Variants in MICU3 observed in about 807,000 individuals in gnomAD.
MICU3 encodes calcium uptake protein 3, mitochondrial.
A neutral mutation model predicts 66.5 loss-of-function variants in MICU3; 62 were observed. The observed-to-expected ratio is 0.93, with a 90% CI of 0.76 to 1.15. The LOEUF is 1.15. Among genes scored for constraint, MICU3 ranks in the 50% most tolerant of loss-of-function variants. MICU3 has a pLI of 0.00. For missense variants in MICU3, 779 were observed against 664.4 expected (o/e 1.17, Z -1.90); for synonymous variants, 308 against 240.7 (o/e 1.28, Z -2.59).
rs774541368 is a variant in MICU3 at position 17,081,847 on chromosome 8, G to A, written c.694+107G>A. ...ACTCTTGAAAATCAATATCCATGCT[G>A]TTCTGCAAAATTCATGTTTAATGCT... On this transcript the variant is annotated intron_variant, in intron 5 of 14. Coordinates refer to ENST00000318063, the MANE Select transcript of MICU3 (RefSeq NM_181723.3). 3 of 601,714 alleles carry A rather than the reference G, an allele frequency of 5.0e-6. No individual in the cohort carries two copies. In the South Asian group the frequency reaches 5.0e-5, roughly 10 times the overall value. The allele number at this position is 601,714 out of a possible 1,614,324, so 37.3% of individuals were successfully genotyped here. A position where few individuals can be genotyped will look rare whatever the true frequency, so the allele number is the denominator to read the frequency against.
chr8:17,127,251 C>G (rs1803428157), downstream of MICU3, among the ~76,000 whole-genome samples: 1 of 152,116 alleles, frequency 6.6e-6, no homozygotes, highest in Non-Finnish European at 1.5e-5. Context: ...CTAAGAGTTT[C>G]TCAAGTAAGT....
At chr8:17,072,302 A>G (rs1197951897) in intron 3 of MICU3, among the ~76,000 whole-genome samples, 5 of 152,170 alleles carry the variant, frequency 3.3e-5, no homozygotes, top group African/African-American at 4.8e-5. Flanking sequence ...TGACCTCTCA[A>G]TCATAGATGT....
At position 17,090,579 on chromosome 8, in the gene MICU3, A is replaced by G; in HGVS notation, c.883A>G (p.Asn295Asp). 6.2e-7 allele frequency: 1 copy of G among 1,609,082 alleles called. No homozygotes were observed. Among genetic ancestry groups the G allele is most frequent in the Admixed American group, 1.7e-5 (1 of 59,680 alleles). The change falls in exon 8 of 15, where the codon AAT becomes GAT. Residue 295 changes from asparagine to aspartate, a missense_variant. Physicochemically the swap from Asn to Asp is conservative, Grantham distance 23 (BLOSUM62 1). Coordinates refer to ENST00000318063, the MANE Select transcript of MICU3 (RefSeq NM_181723.3). ...ACTTTATGGATACCATTCTCCTACT[A>G]ATAGTGTATGTACAATACTTTAAAT... ...LQLYGYHSPT[N>D]SVLKTDAEEL...
intron 13 of MICU3, 84 bp downstream of exon 13, chr8:17,116,684 C>A: frequency 9.9e-7 from 1 of 1,012,286 alleles, no homozygotes; most frequent in African/African-American, 1.7e-5. Flanking sequence ...AATAATTTAT[C>A]TTAATTTCTT....
intron 8 of MICU3, among the ~76,000 whole-genome samples, chr8:17,091,086 T>A (rs1799997582): frequency 1.3e-5 from 2 of 152,130 alleles, no homozygotes; most frequent in Non-Finnish European, 2.9e-5. Flanking sequence ...TACACAAAAA[T>A]CTGGTGTAAG....
chr8:17,043,279 A>G (rs947156974), intron 1 of MICU3, among the ~76,000 whole-genome samples: 3 of 152,114 alleles, frequency 2.0e-5, no homozygotes, highest in Non-Finnish European at 2.9e-5. Context: ...CAGATCAGAA[A>G]GGTCCTTATA....
At chr8:17,053,989 T>C (rs538754052) in intron 1 of MICU3, among the ~76,000 whole-genome samples, 1 of 152,340 alleles carries the variant, frequency 6.6e-6, no homozygotes, top group East Asian at 1.9e-4. Flanking sequence ...CTCACACTTA[T>C]AAATAAGGTA....
At chr8:17,049,706 A>T (rs1815733953) in intron 1 of MICU3, 1 of 501,596 alleles carries the variant, frequency 2.0e-6, no homozygotes, top group Non-Finnish European at 4.0e-6. Flanking sequence ...GTGTTGTAAT[A>T]CTGAAGTTCT....
At chr8:17,097,199 G>T (rs781325462) in intron 8 of MICU3, among the ~76,000 whole-genome samples, 2 of 151,726 alleles carry the variant, frequency 1.3e-5, no homozygotes, top group East Asian at 3.9e-4. Flanking sequence ...AATATTTTCA[G>T]ATCAATCATT....
intron 4 of MICU3, among the ~76,000 whole-genome samples, chr8:17,080,141 G>C (rs1820965352): frequency 6.6e-6 from 1 of 151,742 alleles, no homozygotes; most frequent in African/African-American, 2.4e-5. Flanking sequence ...TAGTTTTATA[G>C]TATTCTGTTT....
chr8:17,028,074 C>T (rs1811334329), intron 1 of MICU3, among the ~76,000 whole-genome samples: 1 of 152,158 alleles, frequency 6.6e-6, no homozygotes, highest in African/African-American at 2.4e-5. Context: ...AGTTTCGAAG[C>T]AGCGGTCTGA....
chr8:17,069,879 A>G (rs1819289101), intron 3 of MICU3, among the ~76,000 whole-genome samples, 160 bp downstream of exon 3: 1 of 151,788 alleles, frequency 6.6e-6, no homozygotes, highest in African/African-American at 2.4e-5. Flanking sequence ...TTTATCCTCC[A>G]GATTGTCAGA....
downstream of MICU3, among the ~76,000 whole-genome samples, chr8:17,124,098 G>T (rs1338341271): frequency 6.6e-6 from 1 of 151,756 alleles, no homozygotes; most frequent in African/African-American, 2.4e-5. Flanking sequence ...TTTTTAGCTT[G>T]TTAAGTATTT....
chr8:17,079,275 C>T (rs1394624695), intron 4 of MICU3, among the ~76,000 whole-genome samples: 1 of 152,124 alleles, frequency 6.6e-6, no homozygotes, highest in South Asian at 2.1e-4. Flanking sequence ...ATGTGTCTAG[C>T]GTAACTGAGG....
intron 1 of MICU3, among the ~76,000 whole-genome samples, chr8:17,055,766 G>A (rs1250203442): frequency 1.3e-5 from 2 of 152,144 alleles, no homozygotes; most frequent in African/African-American, 4.8e-5. Context: ...ACGTTCTCTT[G>A]GGGCTCTTAT....
the MICU3 span, among the ~76,000 whole-genome samples, chr8:17,136,126 C>G: frequency 6.6e-6 from 1 of 151,974 alleles, no homozygotes; most frequent in Non-Finnish European, 1.5e-5. Context: ...GTATGTTCAG[C>G]TAGTATCATC....
In MICU3 at chr8:17,027,519, G is replaced by A. The variant is rs995756353; in HGVS notation, c.240G>A (p.Leu80=). The change falls in exon 1 of 15, where the codon CTG becomes CTA. Residue 80 remains leucine, a synonymous_variant. Transcript: ENST00000318063. ...CGGCCGGCGGGGGGCTGGTCGGCCT[G>A]GTATGCTACCAGCTGTACGGGGACC... ...AAAAGGGLVG[L]VCYQLYGDPR... is the part of the protein sequence containing the mutation. The A allele has an allele frequency of 7.8e-7, 1 of 1,284,844 alleles. No homozygotes were observed. Among genetic ancestry groups the A allele is most frequent in the Admixed American group, 4.2e-5 (1 of 23,912 alleles). 79.6% of individuals were successfully genotyped at this position (1,284,844 alleles called of 1,614,324 possible). A position where few individuals can be genotyped will look rare whatever the true frequency, so the allele number is the denominator to read the frequency against.
intron 12 of MICU3, among the ~76,000 whole-genome samples, chr8:17,115,649 C>G (rs970400332): frequency 1.3e-5 from 2 of 152,154 alleles, no homozygotes; most frequent in African/African-American, 4.8e-5. Flanking sequence ...AGCTGCTTTC[C>G]TCTTTGATGT....
At chr8:17,129,292 T>A in the MICU3 span, among the ~76,000 whole-genome samples, 1 of 152,038 alleles carries the variant, frequency 6.6e-6, no homozygotes, top group Non-Finnish European at 1.5e-5. Flanking sequence ...ATGTGACCCT[T>A]AAAAAGGGGA....
Sources: allele counts gnomAD v4.1 joint callset (sites outside exome capture counted in the v4.1 genomes callset), GRCh38; gene constraint gnomAD v4.1.1; transcripts MANE v1.5; gene names NCBI Gene and HGNC (gene_info 2026-07-23, HGNC 2026-07-21).